The following HSPE1 variants were observed in gnomAD, a reference collection of about 807,000 sequenced individuals.
The protein encoded by HSPE1 is heat shock protein family E (Hsp10) member 1.
A neutral mutation model predicts 13.2 loss-of-function variants in HSPE1; 1 was observed. That is an observed-to-expected ratio of 0.08 (90% confidence interval 0.03 to 0.36). HSPE1 has a LOEUF of 0.36. Among genes scored for constraint, HSPE1 ranks in the 10% least tolerant of loss-of-function variants. HSPE1 has a pLI of 0.99. For synonymous variants in HSPE1, 44 were observed against 42.0 expected (o/e 1.05, Z -0.19); for missense variants, 73 against 118.7 (o/e 0.62, Z 1.79).
intron 1 of HSPE1, chr2:197,500,722 C>T (rs1309774933): frequency 1.2e-5 from 7 of 594,948 alleles, no homozygotes; most frequent in South Asian, 6.2e-5. Context: ...TGTGTAATAT[C>T]TTGGGTAAAA....
At position 197,500,638 on chromosome 2, in the gene HSPE1, GGTGT is replaced by G. The variant is rs1022363227; in HGVS notation, c.3+202_3+205del. The G allele has an allele frequency of 1.6e-5, 12 of 770,240 alleles. No individual in the cohort carries two copies. The African/African-American group carries it at 2.1e-4, about 13-fold the overall frequency. The allele number at this position is 770,240 out of a possible 1,614,324, so 47.7% of individuals were successfully genotyped here. The stretch of plus-strand genomic sequence containing the variant: ...GCTCTTTGCACGCGCGTGTGCTGCC[GGTGT>G]GTAAGGCAGGGGGGCGAGAACCCGG... On this transcript the variant is annotated intron_variant, in intron 1 of 3. Transcript: ENST00000233893.
Position 197,501,245 on chromosome 2 carries a change from G to A in HSPE1, c.168+7G>A, listed in dbSNP as rs752498035. 16 of 1,604,878 alleles carry A rather than the reference G, an allele frequency of 1.0e-5. No homozygotes were observed. The East Asian group carries it at 3.6e-4, about 36-fold the overall frequency. On this transcript the variant is annotated splice_region_variant and intron_variant, in intron 2 of 3. Coordinates refer to ENST00000233893, the MANE Select transcript of HSPE1 (RefSeq NM_002157.3). ...ATCGGGTTCTAAAGGAAAGGTAAAT[G>A]GGAGCTGCAGTGGAACTATTTTTTA...
chr2:197,501,437 C>G lies in HSPE1; in HGVS notation c.168+199C>G, dbSNP rs78928314. ...ATTTTATATGACCAATGCTATGATG[C>G]TTATTTTATGTGATAGTTTCAGAGT... On this transcript the variant is annotated intron_variant, in intron 2 of 3. Transcript: ENST00000233893. 1.2e-5 allele frequency: 7 copies of G among 587,270 alleles called. No homozygotes were observed. In the East Asian group the frequency reaches 2.3e-4, roughly 19 times the overall value. The allele number at this position is 587,270 out of a possible 1,614,324, so 36.4% of individuals were successfully genotyped here.
chr2:197,502,264 C>G (rs2086266246), intron 2 of HSPE1, among the ~76,000 whole-genome samples: 1 of 152,108 alleles, frequency 6.6e-6, no homozygotes, highest in Non-Finnish European at 1.5e-5. Flanking sequence ...TTAAGCTTAC[C>G]AGCTACTGCT....
At position 197,503,095 on chromosome 2, in the gene HSPE1, A is replaced by G; in HGVS notation, c.225A>G (p.Glu75=). ...TTGGAGATAAAGTTCTTCTCCCAGAATATGGAGGCACCAAAGTAGTTCTAG... is the reference window on the plus strand; with the variant it reads ...TTGGAGATAAAGTTCTTCTCCCAGAGTATGGAGGCACCAAAGTAGTTCTAG... ...VKVGDKVLLP[E]YGGTKVVLDD... The change falls in exon 3 of 4, where the codon GAA becomes GAG. Residue 75 remains glutamate (E), a synonymous_variant. Coordinates refer to ENST00000233893, the MANE Select transcript of HSPE1 (RefSeq NM_002157.3). 1 of 1,608,642 alleles carries G rather than the reference A, an allele frequency of 6.2e-7. No individual in the cohort carries two copies.
chr2:197,501,008 G>A (rs2086246489), intron 1 of HSPE1, 66 bp from the exon 2 acceptor site: 2 of 1,574,286 alleles, frequency 1.3e-6, no homozygotes, highest in East Asian at 2.2e-5. Flanking sequence ...GTATAGCACG[G>A]TGGCGTTGCC....
Position 197,501,133 on chromosome 2 carries a change from T to G in HSPE1, c.63T>G (p.Ser21Arg), listed in dbSNP as rs760016331. 6.2e-7 allele frequency: 1 copy of G among 1,613,762 alleles called. No individual in the cohort carries two copies. Among genetic ancestry groups the G allele is most frequent in the African/African-American group, 1.3e-5 (1 of 74,830 alleles). Residue 21 changes from serine (S) to arginine (R), a missense_variant, in exon 2 of 4, where the codon AGT becomes AGG. Physicochemically the swap from Ser to Arg is moderately radical, Grantham distance 110 (BLOSUM62 -1). Coordinates refer to ENST00000233893, the MANE Select transcript of HSPE1 (RefSeq NM_002157.3). Reference protein sequence around the residue: ...PLFDRVLVERSAAETVTKGGI... With the variant: ...PLFDRVLVERRAAETVTKGGI... The stretch of plus-strand genomic sequence containing the variant: ...TTGACCGAGTATTGGTTGAAAGGAG[T>G]GCTGCTGAAACTGTAACCAAAGGAG...
chr2:197,502,204 C>T (rs917497088), intron 2 of HSPE1, among the ~76,000 whole-genome samples: 6 of 152,292 alleles, frequency 3.9e-5, no homozygotes, highest in Admixed American at 6.5e-5. Context: ...TGCCGCCTAA[C>T]GCAAATCCCT....
chr2:197,503,051 C>G lies in HSPE1; in HGVS notation c.181C>G (p.Gln61Glu), dbSNP rs762733464. Reference protein sequence around the residue: ...SGSKGKGGEIQPVSVKVGDKV... With the variant: ...SGSKGKGGEIEPVSVKVGDKV... ...TTCCTTTTTTAAGGGTGGAGAGATTCAACCAGTTAGCGTGAAAGTTGGAGA... is the reference window on the plus strand; with the variant it reads ...TTCCTTTTTTAAGGGTGGAGAGATTGAACCAGTTAGCGTGAAAGTTGGAGA... The change falls in exon 3 of 4, where the codon CAA becomes GAA. Residue 61 changes from glutamine (Q) to glutamate (E), a missense_variant. Transcript: ENST00000233893. 26 of 1,597,892 alleles carry G rather than the reference C, an allele frequency of 1.6e-5. No individual in the cohort carries two copies. The highest frequency in any genetic ancestry group is 1.7e-4 in the Middle Eastern group (1 of 6,036).
rs377047558 is a variant in HSPE1, at chr2:197,500,405, G to A, written c.-32G>A. 9.4e-6 allele frequency: 15 copies of A among 1,598,852 alleles called. No homozygotes were observed. Among genetic ancestry groups the A allele is most frequent in the Admixed American group, 7.0e-5 (4 of 57,122 alleles). Reference sequence around the variant, plus strand: ...CGAGTCTCTTTGCGGCGCTACACTAGAGCAGAGTACGAGTCTGAGGCGGAG... The same window carrying A: ...CGAGTCTCTTTGCGGCGCTACACTAAAGCAGAGTACGAGTCTGAGGCGGAG... On this transcript the variant is annotated 5_prime_UTR_variant, in exon 1 of 4. Coordinates refer to ENST00000233893, the MANE Select transcript of HSPE1 (RefSeq NM_002157.3).
At chr2:197,500,932 A>T in intron 1 of HSPE1, 142 bp from the exon 2 acceptor site, 1 of 978,086 alleles carries the variant, frequency 1.0e-6, no homozygotes, top group Non-Finnish European at 1.5e-6. Context: ...AGTACATTCA[A>T]ATGCGCTTCC....
intron 3 of HSPE1, 33 bp from the exon 4 acceptor site, chr2:197,503,173 TTAG>T: frequency 6.3e-7 from 1 of 1,582,064 alleles, no homozygotes; most frequent in South Asian, 1.1e-5. Flanking sequence ...ATATTTGCAA[TTAG>T]TTGTCTTAAC....
chr2:197,500,489 G>C (rs1411305417), intron 1 of HSPE1, 50 bp downstream of exon 1: 1 of 1,335,906 alleles, frequency 7.5e-7, no homozygotes, highest in Middle Eastern at 2.0e-4. Flanking sequence ...TGTCTGAGGC[G>C]TACGGGGATC....
chr2:197,502,652 T>C (rs916074173), intron 2 of HSPE1, among the ~76,000 whole-genome samples: 8 of 152,260 alleles, frequency 5.3e-5, no homozygotes, highest in East Asian at 1.9e-4. Context: ...AAGGAAAATA[T>C]GACCATTTGT....
chr2:197,502,742 ATAAAGTTAGCTTTAGTTAAC>A (rs1211565383), intron 2 of HSPE1, among the ~76,000 whole-genome samples: 1 of 152,264 alleles, frequency 6.6e-6, no homozygotes, highest in African/African-American at 2.4e-5. Context: ...TTTAACAGTT[ATAAAGTTAGCTTTAGTTAAC>A]TAAAGTTAGC....
intron 1 of HSPE1, 199 bp from the exon 2 acceptor site, chr2:197,500,875 C>T (rs1055682246): frequency 1.5e-6 from 1 of 653,550 alleles, no homozygotes; most frequent in African/African-American, 1.8e-5. Context: ...GCGACAACGA[C>T]CCCTAACAGA....
chr2:197,500,723 T>C (rs2086241554), intron 1 of HSPE1: 1 of 594,568 alleles, frequency 1.7e-6, no homozygotes, highest in South Asian at 2.1e-5. Context: ...GTGTAATATC[T>C]TGGGTAAAAA....
At chr2:197,502,169 A>G (rs374968948) in intron 2 of HSPE1, among the ~76,000 whole-genome samples, 17 of 152,298 alleles carry the variant, frequency 1.1e-4, no homozygotes, top group East Asian at 7.7e-4. Context: ...GTCTTGTCCA[A>G]TCTGCAGCCT....
At chr2:197,500,883 A>C (rs2086244115) in intron 1 of HSPE1, 191 bp from the exon 2 acceptor site, 2 of 683,178 alleles carry the variant, frequency 2.9e-6, no homozygotes, top group South Asian at 2.1e-5. Flanking sequence ...GACCCCTAAC[A>C]GACGTAAGGA....
Sources: allele counts gnomAD v4.1 joint callset (sites outside exome capture counted in the v4.1 genomes callset), GRCh38; gene constraint gnomAD v4.1.1; transcripts MANE v1.5; gene names NCBI Gene and HGNC (gene_info 2026-07-23, HGNC 2026-07-21).